Variants in RARB observed in about 807,000 individuals in gnomAD.
The protein encoded by RARB is HBV-activated protein.
Under a neutral mutation model 51.9 loss-of-function variants are expected in RARB, and 17 were observed. The ratio of observed to expected loss-of-function variants is 0.33; its 90% confidence interval spans 0.22 to 0.49. RARB has a LOEUF of 0.49. Among genes scored for constraint, RARB ranks in the 20% least tolerant of loss-of-function variants. The pLI, the probability that RARB is intolerant of heterozygous loss-of-function variation, is 0.99. For missense variants in RARB, 369 were observed against 550.8 expected (o/e 0.67, Z 3.30); for synonymous variants, 215 against 195.4 (o/e 1.10, Z -0.84).
intron 5 of RARB, among the ~76,000 whole-genome samples, chr3:25,186,050 C>A (rs188007639): frequency 1.3e-3 from 196 of 152,092 alleles, no homozygotes; most frequent in African/African-American, 4.6e-3. Context: ...GGAATTCCAG[C>A]ATTCCAATTA....
intron 5 of RARB, among the ~76,000 whole-genome samples, chr3:25,224,915 T>C (rs1433015133): frequency 1.3e-5 from 2 of 152,132 alleles, no homozygotes; most frequent in Admixed American, 6.5e-5. Context: ...CCTCTTATTA[T>C]ATACTGTACC....
rs571223227 is a variant in RARB at position 25,326,251 on chromosome 3, T to G, written c.179-134942T>G. 1.3e-3 allele frequency among the ~76,000 whole-genome samples: 193 copies of G among 152,158 alleles called. 1 individual carries two copies. Among genetic ancestry groups the G allele is most frequent in the South Asian group, 2.3e-3 (11 of 4,818 alleles). On this transcript the variant is annotated intron_variant, in intron 5 of 11. Transcript: ENST00000383772. ...CAACTGGACCTGCTAAAGTCAAAAG[T>G]GGGAGGGAGGCTGTCTAGAGTTGCC...
intron 2 of RARB, among the ~76,000 whole-genome samples, chr3:25,022,369 C>A (rs572088095): frequency 2.6e-5 from 4 of 152,312 alleles, no homozygotes; most frequent in African/African-American, 9.6e-5. Context: ...CTTTGCTCAA[C>A]ATTCCCTTTG....
At chr3:24,948,312 A>G (rs576828605) in intron 2 of RARB, among the ~76,000 whole-genome samples, 5 of 152,346 alleles carry the variant, frequency 3.3e-5, no homozygotes, top group Non-Finnish European at 7.3e-5. Context: ...AAATACACAT[A>G]TGACTGAAAT....
intron 5 of RARB, among the ~76,000 whole-genome samples, chr3:25,366,958 C>A (rs1706139784): frequency 6.6e-6 from 1 of 151,948 alleles, no homozygotes; most frequent in African/African-American, 2.4e-5. Context: ...TAGCAACAGG[C>A]AGAATGTCGT....
In RARB at chr3:25,482,521, ATTTTTTTTTTTTTTTTTTTT is replaced by A. The variant is rs71087718; in HGVS notation, c.307-18644_307-18625del. Among the ~76,000 whole-genome samples the A allele has an allele frequency of 9.0e-4, 59 of 65,798 alleles. 2 individuals are homozygous for A. Among genetic ancestry groups the A allele is most frequent in the African/African-American group, 3.8e-3 (55 of 14,292 alleles). 43.2% of individuals were successfully genotyped at this position (65,798 alleles called of 152,430 possible). ...TAACTTTAAATTTTCTAGCAGCCAA[ATTTTTTTTTTTTTTTTTTTT>A]TTTTTTTTTTTTTTTTGAGACGGAG... On this transcript the variant is annotated intron_variant, in intron 2 of 7. Coordinates refer to ENST00000330688, the MANE Select transcript of RARB (RefSeq NM_000965.5).
chr3:25,519,731 A>G (rs1359755470), intron 3 of RARB, among the ~76,000 whole-genome samples: 1 of 152,210 alleles, frequency 6.6e-6, no homozygotes, highest in Non-Finnish European at 1.5e-5. Flanking sequence ...ATTAAAAAAA[A>G]GAAAAGCTAC....
At chr3:25,144,488 T>TA (rs913529156) in intron 4 of RARB, among the ~76,000 whole-genome samples, 4 of 152,082 alleles carry the variant, frequency 2.6e-5, no homozygotes, top group African/African-American at 9.7e-5. Context: ...GTTCTCTAGT[T>TA]AAAAAATTCA....
chr3:24,976,408 T>G (rs1004921702), intron 2 of RARB, among the ~76,000 whole-genome samples: 2 of 152,218 alleles, frequency 1.3e-5, no homozygotes, highest in African/African-American at 4.8e-5. Context: ...CATTCCTGTT[T>G]CTCCACATCC....
At chr3:24,996,317 A>G (rs1359071618) in intron 2 of RARB, among the ~76,000 whole-genome samples, 1 of 151,652 alleles carries the variant, frequency 6.6e-6, no homozygotes, top group Non-Finnish European at 1.5e-5. Context: ...CCATTTTTTA[A>G]TTTCTGATTT....
chr3:25,465,332 C>G (rs1441608769), intron 2 of RARB, among the ~76,000 whole-genome samples: 1 of 152,156 alleles, frequency 6.6e-6, no homozygotes, highest in Non-Finnish European at 1.5e-5. Flanking sequence ...CCAGCAGATG[C>G]ACCATAGGCC....
chr3:24,883,425 C>T (rs144798233), intron 2 of RARB, among the ~76,000 whole-genome samples: 267 of 148,830 alleles, frequency 1.8e-3, no homozygotes, highest in African/African-American at 6.3e-3. Flanking sequence ...TTTTTAAACT[C>T]AAAAGAGTGG....
intron 3 of RARB, among the ~76,000 whole-genome samples, chr3:25,536,326 G>T (rs1478011181): frequency 6.6e-6 from 1 of 152,158 alleles, no homozygotes; most frequent in Non-Finnish European, 1.5e-5. Flanking sequence ...AATAATATTT[G>T]TCATGCTAAA....
intron 3 of RARB, among the ~76,000 whole-genome samples, chr3:25,510,531 C>G (rs1330350031): frequency 6.6e-6 from 1 of 151,974 alleles, no homozygotes; most frequent in Non-Finnish European, 1.5e-5. Flanking sequence ...GAGGCTGAGG[C>G]ACAAGAATTA....
chr3:24,897,112 C>A (rs183447867), intron 2 of RARB, among the ~76,000 whole-genome samples: 2 of 152,170 alleles, frequency 1.3e-5, no homozygotes, highest in African/African-American at 4.8e-5. Flanking sequence ...ATTAAATAAA[C>A]GTGTAAAGCC....
chr3:25,381,918 A>C (rs901257431), intron 5 of RARB, among the ~76,000 whole-genome samples: 1 of 152,156 alleles, frequency 6.6e-6, no homozygotes, highest in South Asian at 2.1e-4. Context: ...CTCAAGCTGC[A>C]TTCAGAATAT....
chr3:25,210,529 C>CTTTTTTTTTTTTT (rs773846113), intron 5 of RARB, among the ~76,000 whole-genome samples: 11 of 27,630 alleles, frequency 4.0e-4, no homozygotes, highest in South Asian at 1.7e-3. Flanking sequence ...TTATCTGATT[C>CTTTTTTTTTTTTT]TTTTTTTTTT....
At chr3:25,079,186 T>G (rs2125312062) in intron 3 of RARB, among the ~76,000 whole-genome samples, 1 of 152,308 alleles carries the variant, frequency 6.6e-6, no homozygotes, top group Non-Finnish European at 1.5e-5. Flanking sequence ...TTCTAATTAT[T>G]TCTAATATTT....
At chr3:25,369,276 T>G (rs548961172) in intron 5 of RARB, among the ~76,000 whole-genome samples, 36 of 152,302 alleles carry the variant, frequency 2.4e-4, no homozygotes, top group Middle Eastern at 3.4e-3. Flanking sequence ...ACACAGAAAG[T>G]GTGAGCCATT....
Sources: gnomAD v4.1 joint callset for allele counts (sites outside exome capture counted in the v4.1 genomes callset) on GRCh38, gnomAD v4.1.1 for gene constraint, MANE v1.5 for transcripts, NCBI Gene and HGNC (gene_info 2026-07-23, HGNC 2026-07-21) for gene names.